SHANK2: variants seen among roughly 807,000 people sequenced by gnomAD.
SHANK2 encodes SH3 and multiple ankyrin repeat domains protein 2.
SHANK2 carries 43 observed loss-of-function variants against 133.7 expected under a neutral mutation model. That is an observed-to-expected ratio of 0.32 (90% CI 0.25 to 0.41). The LOEUF is 0.41. Among genes scored for constraint, SHANK2 ranks in the 10% least tolerant of loss-of-function variants. SHANK2 has a pLI of 1.00. For synonymous variants in SHANK2, 1,017 were observed against 952.8 expected (o/e 1.07, Z -1.24); for missense variants, 1,994 against 2,235.8 (o/e 0.89, Z 2.18).
intron 14 of SHANK2, among the ~76,000 whole-genome samples, chr11:70,709,717 CAG>C (rs1365410042): frequency 1.4e-4 from 22 of 152,046 alleles, no homozygotes; most frequent in Non-Finnish European, 2.5e-4. Context: ...GTGGCCGTGG[CAG>C]AGACAGCTGG....
chr11:70,671,792 C>A (rs528457602), intron 15 of SHANK2, among the ~76,000 whole-genome samples: 2 of 152,238 alleles, frequency 1.3e-5, no homozygotes, highest in Admixed American at 6.5e-5. Flanking sequence ...GCAAGGGATG[C>A]CAGGATGCCT....
Position 70,820,437 on chromosome 11 carries a change from G to A in SHANK2, c.1420C>T (p.Arg474Trp), listed in dbSNP as rs371086957. The change falls in exon 12 of 26, where the codon CGG (arginine) becomes TGG (tryptophan). Residue 474 changes from arginine to tryptophan, a missense_variant. By Grantham distance (101) the Arg-to-Trp change is moderately radical (BLOSUM62 -3). Around this residue, in one of 5 missense-constraint regions of SHANK2, gnomAD observed 653 missense variants for 563.4 expected, o/e 1.16. Transcript: ENST00000601538. ...CCCAGCCTGTTGAGCGATGGGGACCGGCTGCGGGGCCCGGGCACGTAGCTC... is the reference window on the plus strand; with the variant it reads ...CCCAGCCTGTTGAGCGATGGGGACCAGCTGCGGGGCCCGGGCACGTAGCTC... Reference protein sequence around the residue: ...IGSYVPGPRSRSPSLNRLGGA... With the variant: ...IGSYVPGPRSWSPSLNRLGGA... The A allele has an allele frequency of 4.2e-6, 3 of 710,958 alleles. No homozygotes were observed. Among genetic ancestry groups the A allele is most frequent in the Non-Finnish European group, 7.9e-6 (3 of 380,404 alleles). The allele number at this position is 710,958 out of a possible 1,614,324, so 44.0% of individuals were successfully genotyped here. A position where few individuals can be genotyped will look rare whatever the true frequency, so the allele number is the denominator to read the frequency against.
At chr11:70,795,491 C>T (rs573356110) in intron 14 of SHANK2, among the ~76,000 whole-genome samples, 28 of 151,270 alleles carry the variant, frequency 1.9e-4, no homozygotes, top group Admixed American at 2.0e-4. Flanking sequence ...CTGCAACCTC[C>T]GCCTCCCAGG....
intron 9 of SHANK2, among the ~76,000 whole-genome samples, chr11:71,070,888 G>A (rs1436283447): frequency 6.6e-6 from 1 of 152,186 alleles, no homozygotes; most frequent in Non-Finnish European, 1.5e-5. Flanking sequence ...TGTCCTGAGA[G>A]CCCCAGCCAG....
chr11:71,245,682 C>T (rs112930587), intron 1 of SHANK2, among the ~76,000 whole-genome samples: 6 of 152,366 alleles, frequency 3.9e-5, no homozygotes, highest in African/African-American at 1.4e-4. Flanking sequence ...CAAGTTCAGC[C>T]ACTGGAGCTG....
chr11:71,234,204 AAAAAAAT>A (rs1954793606), intron 1 of SHANK2, among the ~76,000 whole-genome samples: 1 of 145,228 alleles, frequency 6.9e-6, no homozygotes, highest in African/African-American at 2.6e-5. Context: ...AAAAAAAAAA[AAAAAAAT>A]ATCAGCTGGG....
At chr11:70,800,807 C>T (rs1436588416) in intron 13 of SHANK2, among the ~76,000 whole-genome samples, 8 of 152,196 alleles carry the variant, frequency 5.3e-5, no homozygotes, top group South Asian at 4.1e-4. Context: ...GCAGTAACCC[C>T]GGGCTGCAAA....
intron 14 of SHANK2, among the ~76,000 whole-genome samples, chr11:70,775,324 C>A (rs1555043706): frequency 6.6e-6 from 1 of 152,102 alleles, no homozygotes; most frequent in Non-Finnish European, 1.5e-5. Flanking sequence ...GGGGCATTGG[C>A]ACGTGTTTGT....
intron 14 of SHANK2, among the ~76,000 whole-genome samples, chr11:70,769,249 A>G (rs1202889690): frequency 6.6e-6 from 1 of 152,174 alleles, no homozygotes; most frequent in Non-Finnish European, 1.5e-5. Context: ...TGCTCCTGGC[A>G]GTAAGTAGGG....
intron 11 of SHANK2, chr11:70,872,486 C>T (rs1949484462): frequency 6.6e-6 from 1 of 152,192 alleles, no homozygotes; most frequent in Non-Finnish European, 1.5e-5. Context: ...GAAAAAAGGA[C>T]AAGACCCTTC....
At chr11:71,064,741 G>A (rs1006143871) in intron 9 of SHANK2, among the ~76,000 whole-genome samples, 3 of 152,244 alleles carry the variant, frequency 2.0e-5, no homozygotes, top group Non-Finnish European at 2.9e-5. Context: ...GTCCCGGGAT[G>A]AGAGGGACGG....
intron 21 of SHANK2, among the ~76,000 whole-genome samples, chr11:70,493,530 A>T (rs2058927843): frequency 6.7e-6 from 1 of 148,644 alleles, no homozygotes; most frequent in South Asian, 2.1e-4. Context: ...CCTTAGCTTC[A>T]TCTCAGGGTG....
At chr11:70,502,059 G>A (rs1357684151) in intron 19 of SHANK2, 128 bp from the exon 20 acceptor site, 1 of 1,330,036 alleles carries the variant, frequency 7.5e-7, no homozygotes, top group East Asian at 2.5e-5. Context: ...GGGGCATGCA[G>A]GGGCATTTCC....
At chr11:71,131,531 G>A (rs557098995) in intron 3 of SHANK2, among the ~76,000 whole-genome samples, 6 of 152,306 alleles carry the variant, frequency 3.9e-5, no homozygotes, top group Non-Finnish European at 8.8e-5. Flanking sequence ...ATCTCCAGGC[G>A]ATTAGTAAGA....
intron 3 of SHANK2, among the ~76,000 whole-genome samples, chr11:71,146,290 C>A (rs1291320327): frequency 7.8e-6 from 1 of 128,808 alleles, no homozygotes; most frequent in Non-Finnish European, 1.7e-5. Context: ...TGGATTCAGG[C>A]AAAAGATGAA....
At chr11:70,741,676 T>A (rs56386811) in intron 14 of SHANK2, among the ~76,000 whole-genome samples, 49,993 of 152,066 alleles carry the variant, frequency 0.33, 8,549 homozygotes, top group Non-Finnish European at 0.36. Context: ...TGCCTCACCA[T>A]AACTTAAGTG....
intron 3 of SHANK2, among the ~76,000 whole-genome samples, chr11:71,140,113 G>C (rs1952525409): frequency 6.6e-6 from 1 of 152,228 alleles, no homozygotes; most frequent in Admixed American, 6.5e-5. Flanking sequence ...AGCCCCACAA[G>C]GGATTTCTCA....
intron 14 of SHANK2, among the ~76,000 whole-genome samples, chr11:70,714,286 G>A (rs1009541393): frequency 2.6e-5 from 4 of 152,232 alleles, no homozygotes; most frequent in African/African-American, 4.8e-5. Context: ...TCACCGTGGC[G>A]CAGCTATGCC....
At chr11:71,064,328 G>C (rs1445269532) in intron 9 of SHANK2, among the ~76,000 whole-genome samples, 1 of 152,212 alleles carries the variant, frequency 6.6e-6, no homozygotes, top group East Asian at 1.9e-4. Context: ...GGGATGGGAG[G>C]AGAGAGAGCC....
Sources: allele counts gnomAD v4.1 joint callset (sites outside exome capture counted in the v4.1 genomes callset), GRCh38; gene constraint gnomAD v4.1.1; regional missense constraint gnomAD v4.1.1; transcripts MANE v1.5; gene names NCBI Gene and HGNC (gene_info 2026-07-23, HGNC 2026-07-21).